Variants in NPAS1 observed in about 807,000 individuals in gnomAD.
NPAS1 encodes neuronal PAS domain-containing protein 1.
Under a neutral mutation model 49.2 loss-of-function variants are expected in NPAS1, and 29 were observed. The ratio of observed to expected loss-of-function variants is 0.59; its 90% CI spans 0.44 to 0.80. The LOEUF (loss-of-function observed/expected upper bound fraction) is 0.80, where lower values mean the gene tolerates loss of function less well. Ranked by LOEUF, NPAS1 falls within the 30% of genes least tolerant of loss-of-function variation. The pLI, the probability that NPAS1 is intolerant of heterozygous loss-of-function variation, is 0.00. For missense variants in NPAS1, 825 were observed against 835.5 expected, an observed-to-expected ratio of 0.99 and a Z score of 0.15; for synonymous variants, 408 against 380.4, an observed-to-expected ratio of 1.07 and a Z score of -0.84.
intron 8 of NPAS1, among the ~76,000 whole-genome samples, chr19:47,040,168 G>A (rs372996974): frequency 5.3e-5 from 8 of 152,010 alleles, no homozygotes; most frequent in Admixed American, 3.9e-4. Flanking sequence ...GATTATAGGC[G>A]TGCACCACCA....
At position 47,021,057 on chromosome 19, in the gene NPAS1, C is replaced by T; in HGVS notation, c.10C>T (p.Pro4Ser). ...AGCGAGCCCCCCGGAGATGGCGGCC[C>T]CCTATCCCGGCAGTGGCGGCGGAAG... The part of the protein sequence containing the change: MAA[P>S]YPGSGGGSEV... The change falls in exon 2 of 12, where the codon CCC becomes TCC. Residue 4 changes from proline (P) to serine (S), a missense_variant. Coordinates refer to ENST00000602212, the MANE Select transcript of NPAS1 (RefSeq NM_002517.4). The surrounding 1 kb of genome is among the most constrained non-coding windows in gnomAD (Gnocchi z 5.7). 1 of 1,606,198 alleles carries T rather than the reference C, an allele frequency of 6.2e-7. No individual in the cohort carries two copies. The highest frequency in any genetic ancestry group is 8.5e-7 in the Non-Finnish European group (1 of 1,177,444).
Position 47,021,266 on chromosome 19 carries a change from C to A in NPAS1, c.122+97C>A. On this transcript the variant is annotated intron_variant, in intron 2 of 11. Transcript: ENST00000602212. This position sits in a 1 kb window ranked among gnomAD's most constrained non-coding sequence, Gnocchi z 5.7. ...GTGCCAAGGGGCAGTTCACACCCAG[C>A]TCCCTGACCCGCCCCTTAGGGCTAG... 9.0e-7 allele frequency: 1 copy of A among 1,106,952 alleles called. No homozygotes were observed. The highest frequency in any genetic ancestry group is 1.3e-6 in the Non-Finnish European group (1 of 798,060). The allele number at this position is 1,106,952 out of a possible 1,614,324, so 68.6% of individuals were successfully genotyped here. A position where few individuals can be genotyped will look rare whatever the true frequency, so the allele number is the denominator to read the frequency against.
intron 10 of NPAS1, among the ~76,000 whole-genome samples, chr19:47,041,449 A>G (rs1368269634): frequency 2.0e-5 from 3 of 151,898 alleles, no homozygotes; most frequent in Non-Finnish European, 1.5e-5. Context: ...GGCTCTTACC[A>G]GGGGAGGCCC....
rs2056953874 is a variant in NPAS1, at chr19:47,036,184, G to A, written c.688+55G>A. 2.7e-6 allele frequency: 4 copies of A among 1,507,932 alleles called. No homozygotes were observed. In the East Asian group the frequency reaches 7.4e-5, roughly 28 times the overall value. 93.4% of individuals were successfully genotyped at this position (1,507,932 alleles called of 1,614,324 possible). On this transcript the variant is annotated intron_variant, in intron 6 of 11. Coordinates refer to ENST00000602212, the MANE Select transcript of NPAS1 (RefSeq NM_002517.4). ...TCTGAGGGTAGATCGGGGGACGCCC[G>A]CTGTACTGTATCCAGCCATGCCGCG... is the stretch of plus-strand genomic sequence containing the variant.
rs1300141086 is a variant in NPAS1 at position 47,023,644 on chromosome 19, G to A, written c.358+1797G>A. 5.9e-5 allele frequency among the ~76,000 whole-genome samples: 9 copies of A among 152,118 alleles called. No homozygotes were observed. In the East Asian group the frequency reaches 1.7e-3, roughly 29 times the overall value. On this transcript the variant is annotated intron_variant, in intron 3 of 11. Coordinates refer to ENST00000602212, the MANE Select transcript of NPAS1 (RefSeq NM_002517.4). The stretch of plus-strand genomic sequence containing the variant: ...GTCAGTCACACTCTCTGAAGGGGAG[G>A]GGACTCCCATGCCCTCCTCAGTAAT...
At chr19:47,023,082 A>G (rs370307380) in intron 3 of NPAS1, among the ~76,000 whole-genome samples, 2 of 152,358 alleles carry the variant, frequency 1.3e-5, no homozygotes, top group South Asian at 2.1e-4. Flanking sequence ...GAGAGAAAAT[A>G]GCATTGATTA....
At chr19:47,020,636 C>T (rs143537037) in intron 1 of NPAS1, among the ~76,000 whole-genome samples, 1 of 151,866 alleles carries the variant, frequency 6.6e-6, no homozygotes, top group Non-Finnish European at 1.5e-5. Context: ...GGCGTGCGTG[C>T]CTGGCCCGGG....
chr19:47,037,338 CAAAAAAA>C (rs869125845), intron 6 of NPAS1, among the ~76,000 whole-genome samples: 15,287 of 50,534 alleles, frequency 0.3, 987 homozygotes, highest in South Asian at 0.48. Flanking sequence ...ACTCCGTCTC[CAAAAAAA>C]AAAAAAAAAA....
chr19:47,042,007 A>G (rs1000823079), intron 10 of NPAS1, among the ~76,000 whole-genome samples: 1 of 102,554 alleles, frequency 9.8e-6, no homozygotes, highest in Middle Eastern at 6.5e-3. Context: ...AAAAAAAAAA[A>G]GGAAAAAACA....
rs1338172901 is a variant in NPAS1, at chr19:47,045,293, C to A, written c.1415C>A (p.Thr472Asn). The A allele has an allele frequency of 1.2e-6, 2 of 1,613,938 alleles. No individual in the cohort carries two copies. The highest frequency in any genetic ancestry group is 1.7e-6 in the Non-Finnish European group (2 of 1,180,024). The change falls in exon 12 of 12, where the codon ACC becomes AAC. Residue 472 changes from threonine to asparagine, a missense_variant. Transcript: ENST00000602212. The part of the protein sequence containing the change: ...RIKVEPGPRE[T>N]KGSEDSGDED... ...AAAGTGGAGCCCGGCCCGAGGGAAA[C>A]CAAAGGCTCCGAGGACAGTGGCGAC...
chr19:47,019,896 G>C lies in NPAS1; in HGVS notation c.-144G>C. On this transcript the variant is annotated 5_prime_UTR_variant, in exon 1 of 12. Transcript: ENST00000602212. ...CCGCGCGTCCCGCTGCGCCCCGCGC[G>C]CCCCGGGGTCTATGGAGCTGCCCCT... The C allele has an allele frequency of 2.7e-6, 1 of 368,144 alleles. No homozygotes were observed. The highest frequency in any genetic ancestry group is 4.8e-6 in the Non-Finnish European group (1 of 206,298). The allele number at this position is 368,144 out of a possible 1,614,324, so 22.8% of individuals were successfully genotyped here.
chr19:47,027,046 G>A (rs1450081856), intron 3 of NPAS1, among the ~76,000 whole-genome samples: 1 of 152,114 alleles, frequency 6.6e-6, no homozygotes, highest in African/African-American at 2.4e-5. Flanking sequence ...TATCACTGTA[G>A]ACCCATTTTA....
intron 3 of NPAS1, among the ~76,000 whole-genome samples, chr19:47,029,865 TATG>T (rs1319549622): frequency 6.6e-6 from 1 of 152,256 alleles, no homozygotes; most frequent in African/African-American, 2.4e-5. Context: ...TGCTAACTCG[TATG>T]ATAATTCCAT....
intron 10 of NPAS1, 152 bp downstream of exon 10, chr19:47,041,277 C>A: frequency 2.6e-6 from 2 of 761,290 alleles, no homozygotes; most frequent in Non-Finnish European, 4.0e-6. Context: ...ATGGTGAGAG[C>A]AGAGGCCCAG....
At chr19:47,044,371 C>A (rs1270699930) in intron 11 of NPAS1, among the ~76,000 whole-genome samples, 2 of 109,902 alleles carry the variant, frequency 1.8e-5, no homozygotes, top group Non-Finnish European at 4.7e-5. Context: ...CCATGCCCTG[C>A]AAAACAAAAC....
At chr19:47,024,954 C>T (rs1256714401) in intron 3 of NPAS1, among the ~76,000 whole-genome samples, 3 of 151,650 alleles carry the variant, frequency 2.0e-5, no homozygotes, top group African/African-American at 2.4e-5. Context: ...GGATTACAGG[C>T]GCCTGCCACC....
At chr19:47,040,932 T>G in intron 9 of NPAS1, 46 bp from the exon 10 acceptor site, 2 of 1,342,214 alleles carry the variant, frequency 1.5e-6, no homozygotes, top group Non-Finnish European at 9.8e-7. Flanking sequence ...GTCTTGCCCC[T>G]GTCCCCACCC....
intron 8 of NPAS1, 38 bp from the exon 9 acceptor site, chr19:47,040,406 G>A: frequency 7.1e-7 from 1 of 1,418,200 alleles, no homozygotes; most frequent in Non-Finnish European, 9.7e-7. Context: ...CCAACCCCGT[G>A]GTCTTGGACT....
rs2057061203 is a variant in NPAS1 at position 47,045,069 on chromosome 19, A to AAAC, written c.1313-120_1313-119insCAA. 48 of 923,888 alleles carry AAAC rather than the reference A, an allele frequency of 5.2e-5. No individual in the cohort carries two copies. The East Asian group carries it at 8.8e-4, about 17-fold the overall frequency. The allele number at this position is 923,888 out of a possible 1,614,324, so 57.2% of individuals were successfully genotyped here. The stretch of plus-strand genomic sequence containing the variant: ...AACAAAAACAAAACAAACAAACAAA[A>AAAC]AAAAAAACCCCACTCCCAGCTGAGA... On this transcript the variant is annotated intron_variant, in intron 11 of 11. Coordinates refer to ENST00000602212, the MANE Select transcript of NPAS1 (RefSeq NM_002517.4).
Sources: gnomAD v4.1 joint callset for allele counts (sites outside exome capture counted in the v4.1 genomes callset) on GRCh38, gnomAD v4.1.1 for gene constraint, Gnocchi (gnomAD v3.1) non-coding constraint, MANE v1.5 for transcripts, NCBI Gene and HGNC (gene_info 2026-07-23, HGNC 2026-07-21) for gene names.